CDH12: variants seen among roughly 807,000 people sequenced by gnomAD.
The protein encoded by CDH12 is cadherin-12.
Under a neutral mutation model 74.1 loss-of-function variants are expected in CDH12, and 41 were observed. The observed-to-expected ratio is 0.55, with a 90% CI of 0.43 to 0.72. CDH12 has a LOEUF of 0.72. Among genes scored for constraint, CDH12 ranks in the 30% least tolerant of loss-of-function variants. The pLI is 0.00. For missense variants in CDH12, 945 were observed against 977.2 expected (o/e 0.97, Z 0.44); for synonymous variants, 399 against 355.0 (o/e 1.12, Z -1.39).
At chr5:21,855,621 T>C (rs1750714230) in intron 6 of CDH12, among the ~76,000 whole-genome samples, 1 of 150,438 alleles carries the variant, frequency 6.6e-6, no homozygotes, top group Admixed American at 6.6e-5. Context: ...AAAATAGACA[T>C]ATATATATAT....
At chr5:22,562,619 A>G (rs1739105824) in intron 1 of CDH12, among the ~76,000 whole-genome samples, 1 of 151,902 alleles carries the variant, frequency 6.6e-6, no homozygotes, top group Non-Finnish European at 1.5e-5. Flanking sequence ...AGAGGCAGAA[A>G]AAAAGAAATC....
intron 1 of CDH12, among the ~76,000 whole-genome samples, chr5:22,761,463 C>T (rs1746224594): frequency 6.6e-6 from 1 of 152,100 alleles, no homozygotes; most frequent in South Asian, 2.1e-4. Context: ...TTTTCATAAT[C>T]ACAAGTAAAT....
intron 1 of CDH12, among the ~76,000 whole-genome samples, chr5:22,803,994 A>G (rs1384908623): frequency 2.0e-5 from 3 of 152,170 alleles, no homozygotes; most frequent in Non-Finnish European, 2.9e-5. Context: ...AAAAATCAAG[A>G]GCTACTGTTT....
At chr5:22,043,672 G>C (rs532501598) in intron 5 of CDH12, among the ~76,000 whole-genome samples, 1 of 150,346 alleles carries the variant, frequency 6.7e-6, no homozygotes, top group South Asian at 2.1e-4. Flanking sequence ...CAGATGACAT[G>C]ATCTTATGTA....
intron 3 of CDH12, among the ~76,000 whole-genome samples, chr5:22,351,228 A>G (rs547919607): frequency 2.6e-5 from 4 of 152,318 alleles, no homozygotes; most frequent in Admixed American, 2.0e-4. Flanking sequence ...AATGATAGAA[A>G]TAAATAAGGG....
At chr5:22,105,190 C>A (rs1174034283) in intron 4 of CDH12, among the ~76,000 whole-genome samples, 1 of 151,930 alleles carries the variant, frequency 6.6e-6, no homozygotes, top group Admixed American at 6.6e-5. Context: ...TTCCCTGGTT[C>A]AAGTGATTCT....
intron 1 of CDH12, among the ~76,000 whole-genome samples, chr5:22,662,558 G>T (rs1477181136): frequency 6.6e-6 from 1 of 152,156 alleles, no homozygotes; most frequent in East Asian, 1.9e-4. Context: ...AAGCCAAACT[G>T]CCATAAACAG....
chr5:22,544,680 A>G (rs1738241054), intron 1 of CDH12, among the ~76,000 whole-genome samples: 1 of 152,074 alleles, frequency 6.6e-6, no homozygotes, highest in Non-Finnish European at 1.5e-5. Context: ...AGCCAGGTGC[A>G]GTGGCACACG....
chr5:22,004,982 T>C (rs1231884934), intron 5 of CDH12, among the ~76,000 whole-genome samples: 2 of 152,200 alleles, frequency 1.3e-5, no homozygotes, highest in South Asian at 2.1e-4. Context: ...GATTTTATTC[T>C]TTTTATGGAT....
intron 4 of CDH12, among the ~76,000 whole-genome samples, chr5:22,158,536 C>T (rs1253613076): frequency 1.3e-5 from 2 of 151,946 alleles, no homozygotes; most frequent in Admixed American, 1.3e-4. Flanking sequence ...TAATTTCCCA[C>T]AGGAGCAAAT....
chr5:22,399,069 T>C (rs1742592088), intron 3 of CDH12, among the ~76,000 whole-genome samples: 1 of 152,224 alleles, frequency 6.6e-6, no homozygotes. Context: ...ATCTCTGGTG[T>C]TTCTGCTAGT....
chr5:22,709,251 G>A (rs1743177203), intron 1 of CDH12, among the ~76,000 whole-genome samples: 1 of 152,082 alleles, frequency 6.6e-6, no homozygotes, highest in Admixed American at 6.6e-5. Context: ...ATAATAACCG[G>A]AAAAAGATGA....
chr5:22,013,470 A>T (rs970615193), intron 5 of CDH12, among the ~76,000 whole-genome samples: 1 of 152,180 alleles, frequency 6.6e-6, no homozygotes, highest in Non-Finnish European at 1.5e-5. Flanking sequence ...GAATGCATGC[A>T]TATTCTTAAA....
intron 1 of CDH12, among the ~76,000 whole-genome samples, chr5:22,562,247 G>A (rs1580767140): frequency 6.6e-6 from 1 of 152,002 alleles, no homozygotes; most frequent in Non-Finnish European, 1.5e-5. Flanking sequence ...AACCCGGGAG[G>A]TGGAGCTGGC....
chr5:21,765,239 T>G lies in CDH12; in HGVS notation c.1394-140A>C, dbSNP rs972520310. On this transcript the variant is annotated intron_variant, in intron 11 of 14. Coordinates refer to ENST00000382254, the MANE Select transcript of CDH12 (RefSeq NM_004061.5). The stretch of plus-strand genomic sequence containing the variant: ...TCCTTCTTATAGGAAATCCTGGGGG[T>G]TCCAACTACAAGATGATAAAGGATC... 2.0e-5 allele frequency: 12 copies of G among 605,164 alleles called. No homozygotes were observed. In the African/African-American group the frequency reaches 2.3e-4, roughly 12 times the overall value. The allele number at this position is 605,164 out of a possible 1,614,324, so 37.5% of individuals were successfully genotyped here.
chr5:21,978,174 T>C (rs1382234073), intron 5 of CDH12, among the ~76,000 whole-genome samples: 43 of 152,176 alleles, frequency 2.8e-4, no homozygotes, highest in Admixed American at 2.6e-3. Context: ...GGAGTATCGC[T>C]CTCGTTGCCC....
chr5:22,221,218 T>C (rs1366169683), intron 3 of CDH12, among the ~76,000 whole-genome samples: 1 of 152,034 alleles, frequency 6.6e-6, no homozygotes, highest in Middle Eastern at 3.4e-3. Context: ...TATTCAAAAC[T>C]TTATTACAAA....
intron 1 of CDH12, among the ~76,000 whole-genome samples, chr5:22,713,704 G>A (rs1263164410): frequency 6.6e-6 from 1 of 151,990 alleles, no homozygotes; most frequent in Non-Finnish European, 1.5e-5. Context: ...GTTGTAGATG[G>A]GAGGGTGTGT....
chr5:22,499,197 A>T (rs1407384815), intron 2 of CDH12, among the ~76,000 whole-genome samples: 3 of 151,902 alleles, frequency 2.0e-5, no homozygotes, highest in Admixed American at 1.3e-4. Context: ...TATAGGCATG[A>T]CCCACCGTGC....
Sources: gnomAD v4.1 joint callset for allele counts (sites outside exome capture counted in the v4.1 genomes callset) on GRCh38, gnomAD v4.1.1 for gene constraint, MANE v1.5 for transcripts, NCBI Gene and HGNC (gene_info 2026-07-23, HGNC 2026-07-21) for gene names.